SKOR2: variants seen among roughly 807,000 people sequenced by gnomAD.
The protein encoded by SKOR2 is SKI family transcriptional corepressor 2, also known as LBX1 corepressor 1-like protein.
Under a neutral mutation model 69.1 loss-of-function variants are expected in SKOR2, and 47 were observed. The observed-to-expected ratio is 0.68, with a 90% CI of 0.54 to 0.87. The LOEUF is 0.87. Ranked by LOEUF, SKOR2 falls within the 40% of genes least tolerant of loss-of-function variation. The probability of loss-of-function intolerance (pLI) is 0.00; values close to 1 mark genes in which losing one functional copy is unlikely to be tolerated. For missense variants in SKOR2, 1,404 were observed against 1,472.2 expected (o/e 0.95, Z 0.76); for synonymous variants, 717 against 672.6 (o/e 1.07, Z -1.02).
intron 4 of SKOR2, among the ~76,000 whole-genome samples, chr18:47,233,850 C>T (rs1225775141): frequency 6.6e-6 from 1 of 152,114 alleles, no homozygotes; most frequent in Non-Finnish European, 1.5e-5. Flanking sequence ...TGGTATGAAA[C>T]CACTAAACAA....
chr18:47,208,820 C>T (rs964374491), intron 8 of SKOR2, among the ~76,000 whole-genome samples: 22 of 152,020 alleles, frequency 1.4e-4, no homozygotes, highest in Middle Eastern at 3.2e-3. Context: ...GAGACAAATA[C>T]GAAGAGCGGT....
At chr18:47,214,532 A>G (rs1256699687) in intron 7 of SKOR2, among the ~76,000 whole-genome samples, 1 of 152,194 alleles carries the variant, frequency 6.6e-6, no homozygotes, top group Non-Finnish European at 1.5e-5. Context: ...TTTCCATTCT[A>G]AGTCCTAAAT....
chr18:47,211,273 C>T (rs1184194613), intron 8 of SKOR2, among the ~76,000 whole-genome samples: 1 of 152,142 alleles, frequency 6.6e-6, no homozygotes, highest in Non-Finnish European at 1.5e-5. Flanking sequence ...TCCTAGCTGG[C>T]CATGAGCACT....
chr18:47,220,089 A>T (rs1355593), intron 6 of SKOR2, 79 bp from the exon 7 acceptor site: 550,984 of 1,229,370 alleles, frequency 0.45, 126,275 homozygotes, highest in Middle Eastern at 0.48. Flanking sequence ...AACATTATTG[A>T]CAGTCCCATG....
In SKOR2 at chr18:47,219,944, A is replaced by G. The variant is rs1358642965; in HGVS notation, c.2984T>C (p.Ile995Thr). ...YREEMVQQLQ[I>T]IPYAASLIRK... ...TTTTTAAGTAGAAATGCAGCTTACAATTTGTAACTGTTGCACCATTTCTTC... is the reference window on the plus strand; with the variant it reads ...TTTTTAAGTAGAAATGCAGCTTACAGTTTGTAACTGTTGCACCATTTCTTC... Residue 995 changes from isoleucine (I) to threonine (T), a missense_variant and splice_region_variant, in exon 7 of 9, where the codon ATT becomes ACT. Coordinates refer to ENST00000425639, the MANE Select transcript of SKOR2 (RefSeq NM_001278063.4). 9.1e-6 allele frequency: 14 copies of G among 1,535,506 alleles called. No homozygotes were observed. The highest frequency in any genetic ancestry group is 6.9e-5 in the African/African-American group (5 of 72,966).
intron 4 of SKOR2, chr18:47,234,433 C>T (rs2064212655): frequency 1.3e-5 from 2 of 152,174 alleles, no homozygotes; most frequent in African/African-American, 4.8e-5. Context: ...TCCCTCACCC[C>T]TTTTGTTTTT....
At chr18:47,223,877 C>T (rs971721427) in intron 6 of SKOR2, among the ~76,000 whole-genome samples, 4 of 148,696 alleles carry the variant, frequency 2.7e-5, no homozygotes, top group African/African-American at 1.0e-4. Flanking sequence ...GGCAAACATA[C>T]AAAAATCTAA....
Position 47,248,877 on chromosome 18 carries a change from G to T in SKOR2, c.307C>A (p.Arg103=), listed in dbSNP as rs765078417. The change falls in exon 2 of 9, where the codon CGG becomes AGG. Residue 103 remains arginine (R), a synonymous_variant. Coordinates refer to ENST00000425639, the MANE Select transcript of SKOR2 (RefSeq NM_001278063.4). The surrounding 1 kb of genome is among the most constrained non-coding windows in gnomAD (Gnocchi z 6.4). ...GAGATGGGCATGGCCCCGGCACGCC[G>T]CAGGATCTCCAGTTGCACCGGCGTG... ...QCTPVQLEIL[R]RAGAMPISSR... 7.7e-6 allele frequency: 12 copies of T among 1,566,744 alleles called. No individual in the cohort carries two copies. In the African/African-American group the frequency reaches 9.4e-5, roughly 12 times the overall value.
chr18:47,230,831 G>C (rs1203331510), intron 5 of SKOR2, 104 bp downstream of exon 5: 1 of 1,135,136 alleles, frequency 8.8e-7, no homozygotes, highest in Non-Finnish European at 1.3e-6. Context: ...TTCATATGTT[G>C]CTTGTCAAGC....
chr18:47,249,992 A>T (rs2064305678), intron 1 of SKOR2, among the ~76,000 whole-genome samples: 1 of 152,208 alleles, frequency 6.6e-6, no homozygotes, highest in African/African-American at 2.4e-5. Flanking sequence ...GAAGTTGAAG[A>T]TGGTAGTCAT....
intron 4 of SKOR2, among the ~76,000 whole-genome samples, chr18:47,239,613 T>C (rs1293212725): frequency 6.6e-6 from 1 of 152,244 alleles, no homozygotes; most frequent in Non-Finnish European, 1.5e-5. Context: ...TTAGAACTGG[T>C]CTTGTGAGTT....
chr18:47,221,375 G>A (rs2064160713), intron 6 of SKOR2, among the ~76,000 whole-genome samples: 1 of 152,182 alleles, frequency 6.6e-6, no homozygotes, highest in African/African-American at 2.4e-5. Flanking sequence ...AGAGCTGCTT[G>A]AGCAGACACG....
intron 4 of SKOR2, among the ~76,000 whole-genome samples, chr18:47,242,845 C>T (rs1006744444): frequency 6.6e-6 from 1 of 150,582 alleles, no homozygotes; most frequent in Non-Finnish European, 1.5e-5. Context: ...TTACAATGCA[C>T]TAATTTTAAC....
chr18:47,226,213 G>A (rs1186611205), intron 6 of SKOR2, among the ~76,000 whole-genome samples: 2 of 152,190 alleles, frequency 1.3e-5, no homozygotes, highest in African/African-American at 2.4e-5. Flanking sequence ...GGCATAGGGT[G>A]CTGGAGGAAA....
At chr18:47,209,441 T>A (rs1046080564) in intron 8 of SKOR2, among the ~76,000 whole-genome samples, 1 of 152,186 alleles carries the variant, frequency 6.6e-6, no homozygotes, top group East Asian at 1.9e-4. Context: ...AGACTTGGCA[T>A]GTTGAGAATC....
At chr18:47,213,801 G>A (rs1157311402) in intron 7 of SKOR2, among the ~76,000 whole-genome samples, 1 of 152,018 alleles carries the variant, frequency 6.6e-6, no homozygotes, top group Non-Finnish European at 1.5e-5. Flanking sequence ...ACTATGACAA[G>A]GACAGTTACA....
intron 4 of SKOR2, among the ~76,000 whole-genome samples, chr18:47,233,980 T>A (rs1313145126): frequency 6.6e-6 from 1 of 152,206 alleles, no homozygotes. Flanking sequence ...GGCATCTATT[T>A]CAAACAGATA....
At chr18:47,209,122 C>T (rs778998022) in intron 8 of SKOR2, among the ~76,000 whole-genome samples, 5 of 151,622 alleles carry the variant, frequency 3.3e-5, no homozygotes, top group African/African-American at 4.9e-5. Flanking sequence ...TTTGACGCAA[C>T]GTGGAATTTC....
intron 4 of SKOR2, among the ~76,000 whole-genome samples, chr18:47,240,932 T>C (rs2064245838): frequency 3.9e-5 from 6 of 152,232 alleles, no homozygotes; most frequent in Admixed American, 3.9e-4. Flanking sequence ...GTTATAGCTA[T>C]ATAAGCATAG....
Sources: allele counts gnomAD v4.1 joint callset (sites outside exome capture counted in the v4.1 genomes callset), GRCh38; gene constraint gnomAD v4.1.1; non-coding constraint Gnocchi (gnomAD v3.1); transcripts MANE v1.5; gene names NCBI Gene and HGNC (gene_info 2026-07-23, HGNC 2026-07-21).